Variants in SIK2 observed in about 807,000 individuals in gnomAD.
SIK2 encodes the protein serine/threonine-protein kinase SIK2.
Under a neutral mutation model 103.2 loss-of-function variants are expected in SIK2, and 29 were observed. The observed-to-expected ratio is 0.28, with a 90% CI of 0.21 to 0.38. The LOEUF (loss-of-function observed/expected upper bound fraction) is 0.38. SIK2 is among the 10% of genes least tolerant of loss of function. The probability of loss-of-function intolerance (pLI) is 1.00; values close to 1 mark genes in which losing one functional copy is unlikely to be tolerated. For synonymous variants in SIK2, 412 were observed against 446.1 expected, an observed-to-expected ratio of 0.92 and a Z score of 0.96; for missense variants, 879 against 1,171.0, an observed-to-expected ratio of 0.75 and a Z score of 3.64.
intron 3 of SIK2, among the ~76,000 whole-genome samples, chr11:111,648,845 T>C (rs1942291614): frequency 6.6e-6 from 1 of 152,164 alleles, no homozygotes; most frequent in African/African-American, 2.4e-5. Flanking sequence ...TATTTTCATC[T>C]GGAACAAAAA....
At chr11:111,695,351 T>A (rs1050412810) in intron 4 of SIK2, among the ~76,000 whole-genome samples, 6 of 152,228 alleles carry the variant, frequency 3.9e-5, no homozygotes. Context: ...TGTTGATTCC[T>A]AGAAATCATT....
chr11:111,723,970 G>A lies in SIK2; in HGVS notation c.2622G>A (p.Gln874=), dbSNP rs769532950. The A allele has an allele frequency of 2.5e-6, 4 of 1,614,152 alleles. No homozygotes were observed. In the South Asian group the frequency reaches 4.4e-5, roughly 18 times the overall value. The change falls in exon 15 of 15, where the codon CAG becomes CAA. Residue 874 remains glutamine, a synonymous_variant. Transcript: ENST00000304987. ...PCQYPVDGAQ[Q]SDLTGPDCPR... ...AGTATCCTGTGGATGGAGCCCAGCA[G>A]AGCGACCTAACGGGGCCAGACTGTC...
chr11:111,628,416 A>ATCTTTCTT lies in SIK2; in HGVS notation c.316+8044_316+8051dup, dbSNP rs112377118. 2.8e-3 allele frequency among the ~76,000 whole-genome samples: 350 copies of ATCTTTCTT among 125,684 alleles called. 7 individuals are homozygous for ATCTTTCTT. Among genetic ancestry groups the ATCTTTCTT allele is most frequent in the African/African-American group, 4.5e-3 (173 of 38,338 alleles). The allele number at this position is 125,684 out of a possible 152,430, so 82.5% of individuals were successfully genotyped here. ...CCTCTTTAGAGGCAACCGCTTTCAT[A>ATCTTTCTT]TCTTTCTTTCTTTCTTTCTTTCTTT... On this transcript the variant is annotated intron_variant, in intron 3 of 14. Transcript: ENST00000304987.
intron 3 of SIK2, among the ~76,000 whole-genome samples, chr11:111,658,343 T>G (rs1229746499): frequency 6.6e-6 from 1 of 151,952 alleles, no homozygotes; most frequent in Non-Finnish European, 1.5e-5. Context: ...CAGGCTGGTC[T>G]CAAACTCCTG....
chr11:111,716,884 C>T (rs1943656172), intron 9 of SIK2, among the ~76,000 whole-genome samples: 1 of 152,132 alleles, frequency 6.6e-6, no homozygotes, highest in Admixed American at 6.5e-5. Context: ...ATCTATCCAT[C>T]TGACAAAGGT....
intron 3 of SIK2, among the ~76,000 whole-genome samples, chr11:111,653,913 T>C (rs1942359409): frequency 6.6e-6 from 1 of 152,238 alleles, no homozygotes. Flanking sequence ...AACACCTCTT[T>C]TGTTTTACTT....
chr11:111,707,647 T>C (rs895245514), intron 8 of SIK2, among the ~76,000 whole-genome samples: 2 of 152,210 alleles, frequency 1.3e-5, no homozygotes, highest in African/African-American at 4.8e-5. Context: ...AAAAATAGAC[T>C]TCTGTTTTTA....
intron 8 of SIK2, 60 bp from the exon 9 acceptor site, chr11:111,712,151 T>C: frequency 2.7e-6 from 4 of 1,463,172 alleles, no homozygotes; most frequent in Non-Finnish European, 3.8e-6. Context: ...CTTAGAACTT[T>C]GTGTATTTAT....
At chr11:111,677,450 C>T (rs1942717865) in intron 3 of SIK2, among the ~76,000 whole-genome samples, 1 of 151,918 alleles carries the variant, frequency 6.6e-6, no homozygotes, top group Admixed American at 6.6e-5. Context: ...TGGAGTCTTA[C>T]TCTGCCACCC....
At chr11:111,616,408 C>T in intron 2 of SIK2, 49 bp downstream of exon 2, 1 of 1,002,490 alleles carries the variant, frequency 1.0e-6, no homozygotes, top group Non-Finnish European at 1.5e-6. Flanking sequence ...AGATAGTTCT[C>T]TATTTCGTAT....
intron 3 of SIK2, chr11:111,672,398 T>G (rs1219743996): frequency 2.2e-6 from 1 of 446,016 alleles, no homozygotes; most frequent in African/African-American, 2.0e-5. Context: ...GTCACCCTGA[T>G]GGACACAGTG....
chr11:111,657,763 A>G (rs1942410908), intron 3 of SIK2, among the ~76,000 whole-genome samples: 1 of 152,196 alleles, frequency 6.6e-6, no homozygotes, highest in Non-Finnish European at 1.5e-5. Context: ...AGTAAGTGTC[A>G]GATGAAAGTA....
chr11:111,656,162 C>G (rs1942389952), intron 3 of SIK2, among the ~76,000 whole-genome samples: 1 of 152,050 alleles, frequency 6.6e-6, no homozygotes, highest in Non-Finnish European at 1.5e-5. Flanking sequence ...TGCACTCCAG[C>G]CTGGGTGACT....
At chr11:111,680,162 T>G (rs1364513063) in intron 3 of SIK2, among the ~76,000 whole-genome samples, 1 of 152,084 alleles carries the variant, frequency 6.6e-6, no homozygotes, top group African/African-American at 2.4e-5. Flanking sequence ...AGTAACATTT[T>G]TGTACTGATC....
chr11:111,709,566 C>T (rs752110927), intron 8 of SIK2, among the ~76,000 whole-genome samples: 1 of 152,172 alleles, frequency 6.6e-6, no homozygotes, highest in African/African-American at 2.4e-5. Flanking sequence ...ATAATCATTG[C>T]GTATTGACAC....
intron 3 of SIK2, among the ~76,000 whole-genome samples, chr11:111,623,534 A>G (rs938026041): frequency 6.6e-6 from 1 of 152,184 alleles, no homozygotes; most frequent in African/African-American, 2.4e-5. Flanking sequence ...CTACTTGGAA[A>G]CAGTTTGATC....
In SIK2 at chr11:111,719,907, G is replaced by A. The variant is rs1385883855; in HGVS notation, c.1399G>A (p.Ala467Thr). 9 of 1,614,012 alleles carry A rather than the reference G, an allele frequency of 5.6e-6. No homozygotes were observed. Among genetic ancestry groups the A allele is most frequent in the South Asian group, 4.4e-5 (4 of 91,088 alleles). ...ETEGEAEEDP[A>T]HAFEAFQSTR... is the part of the protein sequence containing the mutation. ...AGAAGGAGAGGCCGAGGAAGACCCC[G>A]CTCATGCCTTTGAGGCATTTCAGTC... Residue 467 changes from alanine to threonine, a missense_variant, in exon 10 of 15, where the codon GCT (alanine) becomes ACT (threonine). This residue lies in a region of SIK2 where 222 missense variants were observed against 258.0 expected (regional missense o/e 0.86). Coordinates refer to ENST00000304987, the MANE Select transcript of SIK2 (RefSeq NM_015191.3).
At chr11:111,687,233 C>T (rs1221491596) in intron 3 of SIK2, among the ~76,000 whole-genome samples, 1 of 151,962 alleles carries the variant, frequency 6.6e-6, no homozygotes, top group African/African-American at 2.4e-5. Context: ...AATATTTCTT[C>T]AGGCTGGGCA....
At chr11:111,684,335 G>A (rs1255179897) in intron 3 of SIK2, among the ~76,000 whole-genome samples, 4 of 151,940 alleles carry the variant, frequency 2.6e-5, no homozygotes, top group Non-Finnish European at 5.9e-5. Context: ...TTCTATATAT[G>A]TAAACTTCCA....
Sources: allele counts gnomAD v4.1 joint callset (sites outside exome capture counted in the v4.1 genomes callset), GRCh38; gene constraint gnomAD v4.1.1; regional missense constraint gnomAD v4.1.1; transcripts MANE v1.5; gene names NCBI Gene and HGNC (gene_info 2026-07-23, HGNC 2026-07-21).